SEMA3C: variants seen among roughly 807,000 people sequenced by gnomAD.
SEMA3C encodes the protein semaphorin-3C.
In SEMA3C, 47 loss-of-function variants were observed where a neutral mutation model predicts 89.4. That is an observed-to-expected ratio of 0.53 (90% CI 0.42 to 0.67). The LOEUF is 0.67. Ranked by LOEUF, SEMA3C falls within the 30% of genes least tolerant of loss-of-function variation. The pLI is 0.00. For missense variants in SEMA3C, 839 were observed against 929.1 expected (o/e 0.90, Z 1.26); for synonymous variants, 310 against 320.2 (o/e 0.97, Z 0.34).
At chr7:80,750,505 C>CACACAT (rs1554358664) in intron 16 of SEMA3C, among the ~76,000 whole-genome samples, 3 of 139,080 alleles carry the variant, frequency 2.2e-5, no homozygotes, top group Non-Finnish European at 4.7e-5. Context: ...CACACACATA[C>CACACAT]ACACACACAC....
chr7:80,785,357 G>C (rs550910974), intron 12 of SEMA3C, among the ~76,000 whole-genome samples: 2 of 152,002 alleles, frequency 1.3e-5, no homozygotes, highest in Non-Finnish European at 2.9e-5. Flanking sequence ...TCTTCATTGA[G>C]TTCCCCTGAA....
At chr7:80,827,575 T>C (rs1397518579) in intron 3 of SEMA3C, 88 bp from the exon 4 acceptor site, 1 of 1,014,310 alleles carries the variant, frequency 9.9e-7, no homozygotes, top group East Asian at 2.8e-5. Context: ...TTAACAGATT[T>C]ATTTAAGGTG....
intron 15 of SEMA3C, among the ~76,000 whole-genome samples, chr7:80,754,948 T>TTTTTTTTTTTTTTTTTTTTG (rs746451567): frequency 3.7e-5 from 1 of 27,368 alleles, no homozygotes; most frequent in Admixed American, 3.9e-4. Context: ...TGGCGAATTG[T>TTTTTTTTTTTTTTTTTTTTG]TTTTTTTTGT....
At chr7:80,796,817 G>C (rs1053752765) in intron 11 of SEMA3C, among the ~76,000 whole-genome samples, 3 of 152,048 alleles carry the variant, frequency 2.0e-5, no homozygotes, top group Non-Finnish European at 4.4e-5. Context: ...TAAACTTTGA[G>C]CTTCCTAGCC....
At chr7:80,899,621 AC>A (rs888731441) in intron 2 of SEMA3C, among the ~76,000 whole-genome samples, 3 of 152,172 alleles carry the variant, frequency 2.0e-5, no homozygotes, top group Admixed American at 1.3e-4. Context: ...TTTACTCTAG[AC>A]CAAGAGTAGA....
chr7:80,765,309 G>A (rs1302187288), intron 12 of SEMA3C, 66 bp from the exon 13 acceptor site: 6 of 1,151,896 alleles, frequency 5.2e-6, no homozygotes, highest in Admixed American at 1.9e-5. Context: ...TTAGACATAG[G>A]ACTACTGACT....
intron 2 of SEMA3C, among the ~76,000 whole-genome samples, chr7:80,829,773 T>C (rs771288898): frequency 1.3e-5 from 2 of 152,174 alleles, no homozygotes; most frequent in Non-Finnish European, 2.9e-5. Context: ...ATACATTCTC[T>C]GGTCAAAATG....
chr7:80,894,246 C>T (rs376591992), intron 2 of SEMA3C, among the ~76,000 whole-genome samples: 3 of 151,866 alleles, frequency 2.0e-5, no homozygotes, highest in East Asian at 1.9e-4. Flanking sequence ...GTAGAGACCT[C>T]GATTTTTAAA....
chr7:80,811,356 G>A (rs1157023528), intron 5 of SEMA3C, among the ~76,000 whole-genome samples: 2 of 151,984 alleles, frequency 1.3e-5, no homozygotes, highest in African/African-American at 2.4e-5. Flanking sequence ...ATTAAAATAT[G>A]GAAATATGGA....
At chr7:80,819,417 A>C (rs1349944977) in intron 4 of SEMA3C, among the ~76,000 whole-genome samples, 1 of 152,184 alleles carries the variant, frequency 6.6e-6, no homozygotes, top group African/African-American at 2.4e-5. Context: ...TTTTTCCTTA[A>C]GTTTTCCTTA....
At chr7:80,870,446 G>A (rs1791028997) in intron 2 of SEMA3C, among the ~76,000 whole-genome samples, 1 of 152,208 alleles carries the variant, frequency 6.6e-6, no homozygotes, top group Non-Finnish European at 1.5e-5. Flanking sequence ...CCTTGGGCAT[G>A]CTAAATGACT....
Position 80,804,003 on chromosome 7 carries a change from C to A in SEMA3C, c.801+103G>T, listed in dbSNP as rs567883562. The A allele has an allele frequency of 9.8e-6, 10 of 1,025,492 alleles. No homozygotes were observed. In the African/African-American group the frequency reaches 1.6e-4, roughly 17 times the overall value. The allele number at this position is 1,025,492 out of a possible 1,614,324, so 63.5% of individuals were successfully genotyped here. A position where few individuals can be genotyped will look rare whatever the true frequency, so the allele number is the denominator to read the frequency against. Reference sequence around the variant, plus strand: ...TAAATGTTACATTAAATGCTTCCCTCAATATTTTATTTATTTGTAATGGTT... The same window carrying A: ...TAAATGTTACATTAAATGCTTCCCTAAATATTTTATTTATTTGTAATGGTT... On this transcript the variant is annotated intron_variant, in intron 8 of 17. Coordinates refer to ENST00000265361, the MANE Select transcript of SEMA3C (RefSeq NM_006379.5).
chr7:80,753,528 G>A lies in SEMA3C; in HGVS notation c.1644-2192C>T, dbSNP rs140103336. ...ACATTGAAATGCAGAAAAAAACATT[G>A]TTATGGCTTGGCTTAAATCATGAGA... On this transcript the variant is annotated intron_variant, in intron 15 of 17. Transcript: ENST00000265361. 5.1e-3 allele frequency among the ~76,000 whole-genome samples: 779 copies of A among 152,224 alleles called. 8 individuals carry two copies. Among genetic ancestry groups the A allele is most frequent in the African/African-American group, 0.018 (736 of 41,548 alleles).
chr7:80,856,422 G>A (rs1291173263), intron 2 of SEMA3C, among the ~76,000 whole-genome samples: 1 of 150,356 alleles, frequency 6.7e-6, no homozygotes, highest in Non-Finnish European at 1.5e-5. Flanking sequence ...CGGTAGGAAT[G>A]AAGATTAGCA....
In SEMA3C at chr7:80,852,091, G is replaced by A. The variant is rs368226677; in HGVS notation, c.104-23346C>T. On this transcript the variant is annotated intron_variant, in intron 2 of 17. Coordinates refer to ENST00000265361, the MANE Select transcript of SEMA3C (RefSeq NM_006379.5). ...CTAATGCAAACAATGACAGAGTGTTGCCACAGATGAGGCATTTCATCACCA... is the reference window on the plus strand; with the variant it reads ...CTAATGCAAACAATGACAGAGTGTTACCACAGATGAGGCATTTCATCACCA... Among the ~76,000 whole-genome samples, 7 of 152,272 alleles carry A rather than the reference G, an allele frequency of 4.6e-5. No individual in the cohort carries two copies. In the South Asian group the frequency reaches 1.5e-3, roughly 32 times the overall value.
At chr7:80,839,557 C>T (rs964192853) in intron 2 of SEMA3C, among the ~76,000 whole-genome samples, 5 of 152,010 alleles carry the variant, frequency 3.3e-5, no homozygotes, top group South Asian at 4.2e-4. Flanking sequence ...TGTTAAGATA[C>T]GGAAAACATT....
Position 80,742,777 on chromosome 7 carries a change from CATAAA to C in SEMA3C, c.*2112_*2116del, listed in dbSNP as rs968758010. 2.3e-4 allele frequency: 35 copies of C among 151,772 alleles called. No individual in the cohort carries two copies. The highest frequency in any genetic ancestry group is 7.0e-4 in the African/African-American group (29 of 41,386). 9.4% of individuals were successfully genotyped at this position (151,772 alleles called of 1,614,324 possible). ...ATTAAGTCACTGAATTGTCAAGCTACATAAAATAAAACCAATCAACCACCAGTAGT... is the reference window on the plus strand; with the variant it reads ...ATTAAGTCACTGAATTGTCAAGCTACATAAAACCAATCAACCACCAGTAGT... On this transcript the variant is annotated 3_prime_UTR_variant, in exon 18 of 18. Coordinates refer to ENST00000265361, the MANE Select transcript of SEMA3C (RefSeq NM_006379.5).
At chr7:80,899,249 C>G (rs1791816178) in intron 2 of SEMA3C, among the ~76,000 whole-genome samples, 1 of 152,152 alleles carries the variant, frequency 6.6e-6, no homozygotes, top group South Asian at 2.1e-4. Flanking sequence ...CCATGTTGGC[C>G]AGGCTGGTCT....
chr7:80,754,957 G>GTTTGTTTTTTTTTTTT (rs1788025382), intron 15 of SEMA3C, among the ~76,000 whole-genome samples: 1 of 108,368 alleles, frequency 9.2e-6, no homozygotes, highest in East Asian at 3.2e-4. Context: ...GTTTTTTTTT[G>GTTTGTTTTTTTTTTTT]TTTTTTTTTT....
Sources: gnomAD v4.1 joint callset for allele counts (sites outside exome capture counted in the v4.1 genomes callset) on GRCh38, gnomAD v4.1.1 for gene constraint, MANE v1.5 for transcripts, NCBI Gene and HGNC (gene_info 2026-07-23, HGNC 2026-07-21) for gene names.